The following CSMD2 variants were observed in gnomAD, a reference collection of about 807,000 sequenced individuals.
CSMD2 encodes the protein CUB and Sushi multiple domains 2, also known as CUB and sushi domain-containing protein 2.
A neutral mutation model predicts 398.5 loss-of-function variants in CSMD2; 130 were observed. That is an observed-to-expected ratio of 0.33 (90% confidence interval 0.28 to 0.38). The LOEUF is 0.38. Ranked by LOEUF, CSMD2 falls within the 10% of genes least tolerant of loss-of-function variation. CSMD2 has a pLI of 1.00. For missense variants in CSMD2, 3,829 were observed against 4,764.9 expected, an observed-to-expected ratio of 0.80 and a Z score of 5.78; for synonymous variants, 1,828 against 1,908.5, an observed-to-expected ratio of 0.96 and a Z score of 1.10.
chr1:33,833,452 C>A (rs1273307369), intron 6 of CSMD2, among the ~76,000 whole-genome samples: 2 of 150,402 alleles, frequency 1.3e-5, no homozygotes, highest in Admixed American at 6.6e-5. Flanking sequence ...AATTCAACAA[C>A]CCTTCATGCT....
chr1:33,677,572 T>C (rs1018641171), intron 25 of CSMD2, among the ~76,000 whole-genome samples: 6 of 152,130 alleles, frequency 3.9e-5, no homozygotes, highest in Non-Finnish European at 1.5e-5. Flanking sequence ...GATCTAGAAC[T>C]AGAAATACCA....
intron 10 of CSMD2, among the ~76,000 whole-genome samples, chr1:33,795,339 C>G (rs750448338): frequency 1.5e-4 from 23 of 152,194 alleles, no homozygotes; most frequent in Non-Finnish European, 2.8e-4. Flanking sequence ...ATGGCATCAT[C>G]ATGGGATCAT....
chr1:33,932,963 T>C (rs943360774), intron 4 of CSMD2, among the ~76,000 whole-genome samples: 2 of 152,122 alleles, frequency 1.3e-5, no homozygotes, highest in African/African-American at 4.8e-5. Context: ...GAGGGTACAA[T>C]GCACATCACA....
intron 1 of CSMD2, among the ~76,000 whole-genome samples, chr1:34,108,859 A>G (rs914119921): frequency 3.3e-5 from 5 of 152,012 alleles, no homozygotes; most frequent in African/African-American, 1.2e-4. Flanking sequence ...TGCAAGGTGT[A>G]CTCCCGAGAT....
chr1:34,123,723 G>GA (rs538361483), intron 1 of CSMD2, among the ~76,000 whole-genome samples: 2 of 151,462 alleles, frequency 1.3e-5, no homozygotes, highest in African/African-American at 2.4e-5. Context: ...AATGTGTGGA[G>GA]AAAAAAAACC....
chr1:33,786,649 T>G (rs9887933), intron 12 of CSMD2, among the ~76,000 whole-genome samples: 5,062 of 152,274 alleles, frequency 0.033, 285 homozygotes, highest in African/African-American at 0.12. Flanking sequence ...TATCTCTGTT[T>G]CACAGATGAA....
chr1:33,978,455 G>A lies in CSMD2; in HGVS notation c.518-42501C>T, dbSNP rs148236854. ...GTAGACCCGCAACCCACTCCAGGGC[G>A]AGAAAGATCATGATGAGCTGTATAG... On this transcript the variant is annotated intron_variant, in intron 3 of 70. Transcript: ENST00000373381. Among the ~76,000 whole-genome samples the A allele has an allele frequency of 6.7e-3, 1,023 of 152,284 alleles. 8 individuals carry two copies. The highest frequency in any genetic ancestry group is 0.012 in the Non-Finnish European group (796 of 68,026).
intron 3 of CSMD2, among the ~76,000 whole-genome samples, chr1:33,994,573 GA>G (rs1221319038): frequency 6.6e-6 from 1 of 152,042 alleles, no homozygotes; most frequent in African/African-American, 2.4e-5. Flanking sequence ...TATATTTCCA[GA>G]GCCCAACTCA....
chr1:33,982,741 A>T (rs1646215629), intron 3 of CSMD2, among the ~76,000 whole-genome samples: 1 of 152,166 alleles, frequency 6.6e-6, no homozygotes, highest in Non-Finnish European at 1.5e-5. Context: ...GATGACCGCA[A>T]GGGCATGGCA....
chr1:33,675,534 G>A (rs1348317462), intron 25 of CSMD2, among the ~76,000 whole-genome samples: 2 of 152,206 alleles, frequency 1.3e-5, no homozygotes, highest in African/African-American at 4.8e-5. Context: ...GAGGTACAAG[G>A]AGAAGCTGGT....
At chr1:34,077,054 G>A (rs1309931031) in intron 2 of CSMD2, among the ~76,000 whole-genome samples, 5 of 150,316 alleles carry the variant, frequency 3.3e-5, no homozygotes, top group Non-Finnish European at 7.4e-5. Flanking sequence ...CAAGCAGCTG[G>A]AGAAAGGTGA....
chr1:33,866,056 C>G (rs1315110312), intron 5 of CSMD2, among the ~76,000 whole-genome samples: 1 of 152,074 alleles, frequency 6.6e-6, no homozygotes, highest in African/African-American at 2.4e-5. Flanking sequence ...TCTAAGGACC[C>G]CTATTCCATG....
intron 12 of CSMD2, among the ~76,000 whole-genome samples, chr1:33,783,856 T>A (rs1334148731): frequency 6.6e-6 from 1 of 152,168 alleles, no homozygotes; most frequent in East Asian, 1.9e-4. Flanking sequence ...CACCCAGTCT[T>A]TTTTGTTTTT....
At chr1:33,956,019 C>A (rs538126849) in intron 3 of CSMD2, among the ~76,000 whole-genome samples, 1 of 152,110 alleles carries the variant, frequency 6.6e-6, no homozygotes, top group African/African-American at 2.4e-5. Context: ...CAGGGTGATG[C>A]GGCAATTAAC....
intron 15 of CSMD2, among the ~76,000 whole-genome samples, chr1:33,732,694 A>C (rs1386493470): frequency 1.3e-5 from 2 of 152,212 alleles, no homozygotes. Flanking sequence ...TGATACACTG[A>C]GCTTCTGATG....
At chr1:33,897,605 G>T (rs775493780) in intron 5 of CSMD2, among the ~76,000 whole-genome samples, 1 of 152,170 alleles carries the variant, frequency 6.6e-6, no homozygotes, top group Non-Finnish European at 1.5e-5. Context: ...CACTGCTTCC[G>T]TGGGGAGCAA....
Position 33,978,110 on chromosome 1 carries a change from ATGAGGAACT to A in CSMD2, c.518-42165_518-42157del, listed in dbSNP as rs373866661. On this transcript the variant is annotated intron_variant, in intron 3 of 70. Transcript: ENST00000373381. ...AGACTTTATTATTCCCATTATATGG[ATGAGGAACT>A]TGAGGAAGAAAAAGGTTAAGCAATT... Among the ~76,000 whole-genome samples, 715 of 152,184 alleles carry A rather than the reference ATGAGGAACT, an allele frequency of 4.7e-3. 5 individuals are homozygous for A. Among genetic ancestry groups the A allele is most frequent in the African/African-American group, 0.016 (677 of 41,502 alleles).
chr1:34,061,311 G>T (rs968438537), intron 2 of CSMD2, among the ~76,000 whole-genome samples: 1 of 152,182 alleles, frequency 6.6e-6, no homozygotes, highest in African/African-American at 2.4e-5. Flanking sequence ...ATCTCACTCT[G>T]ACCACAAGGC....
At chr1:33,929,828 G>A (rs1644255598) in intron 4 of CSMD2, among the ~76,000 whole-genome samples, 2 of 151,760 alleles carry the variant, frequency 1.3e-5, no homozygotes, top group Non-Finnish European at 1.5e-5. Flanking sequence ...TGCACTTGCT[G>A]CTTCTTTTGC....
Sources: allele counts gnomAD v4.1 joint callset (sites outside exome capture counted in the v4.1 genomes callset), GRCh38; gene constraint gnomAD v4.1.1; transcripts MANE v1.5; gene names NCBI Gene and HGNC (gene_info 2026-07-23, HGNC 2026-07-21).